The following UTRN variants were observed in gnomAD, a reference collection of about 807,000 sequenced individuals.
UTRN encodes dystrophin-related protein 1.
A neutral mutation model predicts 463.9 loss-of-function variants in UTRN; 283 were observed. The observed-to-expected ratio is 0.61, with a 90% CI of 0.55 to 0.67. The LOEUF is 0.67. Ranked by LOEUF, UTRN falls within the 30% of genes least tolerant of loss-of-function variation. The probability of loss-of-function intolerance (pLI) is 0.00; values close to 1 mark genes in which losing one functional copy is unlikely to be tolerated. For missense variants in UTRN, 3,922 were observed against 4,084.3 expected (o/e 0.96, Z 1.08); for synonymous variants, 1,442 against 1,431.5 (o/e 1.01, Z -0.17).
intron 2 of UTRN, among the ~76,000 whole-genome samples, chr6:144,339,303 T>C (rs1300445770): frequency 6.6e-6 from 1 of 152,220 alleles, no homozygotes; most frequent in African/African-American, 2.4e-5. Context: ...GTCAGAAATA[T>C]TCATTAGATA....
intron 64 of UTRN, among the ~76,000 whole-genome samples, chr6:144,801,574 C>G (rs1304445852): frequency 1.3e-5 from 2 of 151,966 alleles, no homozygotes; most frequent in Non-Finnish European, 2.9e-5. Context: ...ATAAATACTG[C>G]TAGAGTTTTT....
chr6:144,842,632 CT>C (rs944305592), intron 73 of UTRN, among the ~76,000 whole-genome samples: 11 of 152,224 alleles, frequency 7.2e-5, no homozygotes, highest in Admixed American at 6.5e-4. Flanking sequence ...ACATATATTT[CT>C]TTGTGAATTT....
intron 54 of UTRN, among the ~76,000 whole-genome samples, chr6:144,737,960 T>A (rs1195457814): frequency 6.6e-6 from 1 of 152,134 alleles, no homozygotes; most frequent in Non-Finnish European, 1.5e-5. Context: ...TCTATCCCAA[T>A]GAGTTGAGCC....
At chr6:144,592,116 G>A (rs1338229744) in intron 51 of UTRN, among the ~76,000 whole-genome samples, 1 of 152,058 alleles carries the variant, frequency 6.6e-6, no homozygotes, top group East Asian at 1.9e-4. Context: ...TGTAGGTCAT[G>A]AATGCTTTTT....
chr6:144,309,835 T>G (rs1157293978), intron 2 of UTRN, among the ~76,000 whole-genome samples: 3 of 152,230 alleles, frequency 2.0e-5, no homozygotes, highest in Admixed American at 2.0e-4. Flanking sequence ...ACCCTGTTTA[T>G]CCTGCCTGGC....
At position 144,851,227 on chromosome 6, in the gene UTRN, A is replaced by C. The variant is rs1430489958; in HGVS notation, c.*230A>C. The C allele has an allele frequency of 1.7e-6, 1 of 577,574 alleles. No individual in the cohort carries two copies. The highest frequency in any genetic ancestry group is 3.1e-6 in the Non-Finnish European group (1 of 326,044). 35.8% of individuals were successfully genotyped at this position (577,574 alleles called of 1,614,324 possible). On this transcript the variant is annotated 3_prime_UTR_variant, in exon 75 of 75. Coordinates refer to ENST00000367545, the MANE Select transcript of UTRN (RefSeq NM_007124.3). ...TGTTTTCTTCTTCCCTTTCTATGCA[A>C]GTGTAAATTAATGAACAGAGAGGTA...
At chr6:144,391,154 C>T (rs375822156) in intron 2 of UTRN, among the ~76,000 whole-genome samples, 4 of 152,042 alleles carry the variant, frequency 2.6e-5, no homozygotes, top group East Asian at 1.9e-4. Context: ...TCCCTGCAGC[C>T]TCAAACTCCT....
chr6:144,356,178 T>C (rs1359343750), intron 2 of UTRN, among the ~76,000 whole-genome samples: 1 of 152,176 alleles, frequency 6.6e-6, no homozygotes, highest in Non-Finnish European at 1.5e-5. Context: ...ACATCTCAGG[T>C]TTTGTTAGAT....
intron 58 of UTRN, among the ~76,000 whole-genome samples, chr6:144,767,524 C>CT (rs1793490524): frequency 1.3e-5 from 2 of 152,126 alleles, no homozygotes; most frequent in South Asian, 4.1e-4. Flanking sequence ...TATAGGACCT[C>CT]AGACAAGCTA....
At chr6:144,786,668 T>C (rs557705815) in intron 61 of UTRN, among the ~76,000 whole-genome samples, 1 of 152,282 alleles carries the variant, frequency 6.6e-6, no homozygotes, top group East Asian at 1.9e-4. Context: ...GTTCTCCTAC[T>C]TGGGACTGTC....
At chr6:144,813,259 G>A (rs1778788808) in intron 65 of UTRN, among the ~76,000 whole-genome samples, 1 of 151,824 alleles carries the variant, frequency 6.6e-6, no homozygotes, top group African/African-American at 2.4e-5. Context: ...CGCAATCTTG[G>A]CTCACTGCAA....
In UTRN at chr6:144,498,533, C is replaced by T. The variant is rs7753461; in HGVS notation, c.4594-724C>T. Reference sequence around the variant, plus strand: ...TTTTCCCCTCAAGTTACTATAATACCGTATTTTTCCTTCATGGAGAGGATT... The same window carrying T: ...TTTTCCCCTCAAGTTACTATAATACTGTATTTTTCCTTCATGGAGAGGATT... On this transcript the variant is annotated intron_variant, in intron 33 of 74. Transcript: ENST00000367545. 5.1e-3 allele frequency among the ~76,000 whole-genome samples: 774 copies of T among 152,038 alleles called. 5 individuals carry two copies. Among genetic ancestry groups the T allele is most frequent in the African/African-American group, 0.018 (733 of 41,444 alleles).
chr6:144,573,265 T>G (rs1437600613), intron 50 of UTRN, among the ~76,000 whole-genome samples: 1 of 152,020 alleles, frequency 6.6e-6, no homozygotes, highest in Admixed American at 6.6e-5. Flanking sequence ...TTTAAAGACA[T>G]AGCATGGCCG....
intron 25 of UTRN, among the ~76,000 whole-genome samples, chr6:144,479,396 G>A (rs1454354377): frequency 1.3e-5 from 2 of 152,102 alleles, no homozygotes; most frequent in Admixed American, 6.6e-5. Flanking sequence ...TGGGATTACA[G>A]GTGTGAGCCA....
chr6:144,395,436 A>G (rs1782318976), intron 2 of UTRN, among the ~76,000 whole-genome samples: 1 of 148,048 alleles, frequency 6.8e-6, no homozygotes, highest in African/African-American at 2.5e-5. Context: ...ATATTTCTAG[A>G]GGAAAAGTTT....
intron 2 of UTRN, among the ~76,000 whole-genome samples, chr6:144,388,195 A>G (rs1781575537): frequency 2.0e-5 from 3 of 152,270 alleles, no homozygotes. Flanking sequence ...ACACTTACGT[A>G]TAAGTGAAGC....
intron 53 of UTRN, among the ~76,000 whole-genome samples, chr6:144,716,563 G>C (rs1488636814): frequency 1.3e-5 from 2 of 152,086 alleles, no homozygotes; most frequent in Non-Finnish European, 2.9e-5. Flanking sequence ...TTTATTCAAT[G>C]CTAAATGAGC....
intron 65 of UTRN, among the ~76,000 whole-genome samples, chr6:144,819,545 T>C (rs1005030585): frequency 5.3e-5 from 8 of 152,010 alleles, no homozygotes; most frequent in Non-Finnish European, 1.2e-4. Flanking sequence ...ATACAAAAAT[T>C]AGCTGGGTGT....
intron 59 of UTRN, among the ~76,000 whole-genome samples, chr6:144,772,372 A>C (rs934720555): frequency 1.3e-5 from 2 of 152,110 alleles, no homozygotes; most frequent in Admixed American, 1.3e-4. Flanking sequence ...CCTTTCTTAC[A>C]TGGCATATTA....
Sources: gnomAD v4.1 joint callset for allele counts (sites outside exome capture counted in the v4.1 genomes callset) on GRCh38, gnomAD v4.1.1 for gene constraint, MANE v1.5 for transcripts, NCBI Gene and HGNC (gene_info 2026-07-23, HGNC 2026-07-21) for gene names.